The following LPL variants were observed in gnomAD, a reference collection of about 807,000 sequenced individuals.
The protein encoded by LPL is phospholipase A1.
In LPL, 43 loss-of-function variants were observed where a neutral mutation model predicts 52.2. That is an observed-to-expected ratio of 0.82 (90% CI 0.64 to 1.06). The LOEUF is 1.06. Among genes scored for constraint, LPL ranks in the 50% least tolerant of loss-of-function variants. LPL has a pLI of 0.00. For missense variants in LPL, 639 were observed against 585.3 expected, an observed-to-expected ratio of 1.09 and a Z score of -0.95; for synonymous variants, 244 against 215.6, an observed-to-expected ratio of 1.13 and a Z score of -1.15.
rs118204062 is a variant in LPL, at chr8:19,955,874, G to A, written c.809G>A (p.Arg270His). ...CAGCTAGTGAAGTGCTCCCACGAGCGCTCCATTCATCTCTTCATCGACTCT... is the reference window on the plus strand; with the variant it reads ...CAGCTAGTGAAGTGCTCCCACGAGCACTCCATTCATCTCTTCATCGACTCT... ...VDQLVKCSHE[R>H]SIHLFIDSLL... is the part of the protein sequence containing the mutation. Residue 270 changes from arginine (R) to histidine (H), a missense_variant, in exon 6 of 10, where the codon CGC becomes CAC. By Grantham distance (29) the Arg-to-His change is conservative. Coordinates refer to ENST00000650287, the MANE Select transcript of LPL (RefSeq NM_000237.3). 20 of 1,614,004 alleles carry A rather than the reference G, an allele frequency of 1.2e-5. No homozygotes were observed. The highest frequency in any genetic ancestry group is 2.2e-5 in the South Asian group (2 of 91,088).
chr8:19,945,170 C>T (rs1412543110), intron 1 of LPL, among the ~76,000 whole-genome samples: 1 of 152,144 alleles, frequency 6.6e-6, no homozygotes, highest in Non-Finnish European at 1.5e-5. Flanking sequence ...AATCAGTTCA[C>T]CTGCTGCCCA....
chr8:19,959,748 A>C (rs1355784730), intron 7 of LPL, among the ~76,000 whole-genome samples: 1 of 143,956 alleles, frequency 6.9e-6, no homozygotes, highest in East Asian at 2.3e-4. Context: ...AAATATAAGT[A>C]GTAAGAAGTC....
rs763635553 is a variant in LPL, at chr8:19,939,438, G to T, written c.-3G>T. The T allele has an allele frequency of 2.5e-6, 4 of 1,607,608 alleles. No homozygotes were observed. Among genetic ancestry groups the T allele is most frequent in the Non-Finnish European group, 3.4e-6 (4 of 1,177,596 alleles). On this transcript the variant is annotated 5_prime_UTR_variant, in exon 1 of 10. Transcript: ENST00000650287. This position sits in a 1 kb window ranked among gnomAD's most constrained non-coding sequence, Gnocchi z 4.0. ...CAGCTCCTCCAGAGGGACGCGCCCC[G>T]AGATGGAGAGCAAAGCCCTGCTCGT...
chr8:19,956,636 T>C (rs1325835246), intron 6 of LPL, among the ~76,000 whole-genome samples: 1 of 152,114 alleles, frequency 6.6e-6, no homozygotes, highest in African/African-American at 2.4e-5. Context: ...CCAGTGTCTG[T>C]TGTTCCCCTC....
intron 1 of LPL, among the ~76,000 whole-genome samples, chr8:19,946,996 T>C (rs1016527292): frequency 1.3e-5 from 2 of 152,222 alleles, no homozygotes; most frequent in African/African-American, 4.8e-5. Flanking sequence ...AGTTTTGCCT[T>C]TGTGTGGAAC....
rs977647173 is a variant in LPL, at chr8:19,950,878, G to A, written c.250-891G>A. 2.0e-5 allele frequency among the ~76,000 whole-genome samples: 3 copies of A among 149,850 alleles called. No homozygotes were observed. The highest frequency in any genetic ancestry group is 7.4e-5 in the African/African-American group (3 of 40,692). ...GGGAAGGAGGAAGGGAAGGAGGGAG[G>A]GAGGAAGGAAGGAAGGAATGAAGGA... On this transcript the variant is annotated intron_variant, in intron 2 of 9. Transcript: ENST00000650287. This position sits in a 1 kb window ranked among gnomAD's most constrained non-coding sequence, Gnocchi z 4.2.
At position 19,950,855 on chromosome 8, in the gene LPL, G is replaced by T. The variant is rs753665936; in HGVS notation, c.250-914G>T. 6.8e-6 allele frequency among the ~76,000 whole-genome samples: 1 copy of T among 146,038 alleles called. No individual in the cohort carries two copies. Among genetic ancestry groups the T allele is most frequent in the Non-Finnish European group, 1.5e-5 (1 of 66,824 alleles). ...AAGGAAGGAATGAAAGGAAGGAAGG[G>T]AAGGAGGAAGGGAAGGAGGGAGGGA... On this transcript the variant is annotated intron_variant, in intron 2 of 9. Coordinates refer to ENST00000650287, the MANE Select transcript of LPL (RefSeq NM_000237.3). This position sits in a 1 kb window ranked among gnomAD's most constrained non-coding sequence, Gnocchi z 4.2.
At chr8:19,953,617 C>A (rs928823428) in intron 4 of LPL, among the ~76,000 whole-genome samples, 196 bp downstream of exon 4, 1 of 152,128 alleles carries the variant, frequency 6.6e-6, no homozygotes, top group Non-Finnish European at 1.5e-5. Flanking sequence ...GGCTTACTAT[C>A]CACTGGCAAT....
chr8:19,951,629 C>G, intron 2 of LPL, 140 bp from the exon 3 acceptor site: 1 of 928,350 alleles, frequency 1.1e-6, no homozygotes, highest in Non-Finnish European at 1.8e-6. Context: ...GAACACTGTT[C>G]TGTTATTTGA....
At position 19,950,800 on chromosome 8, in the gene LPL, C is replaced by T. The variant is rs1183778834; in HGVS notation, c.250-969C>T. On this transcript the variant is annotated intron_variant, in intron 2 of 9. Coordinates refer to ENST00000650287, the MANE Select transcript of LPL (RefSeq NM_000237.3). This position sits in a 1 kb window ranked among gnomAD's most constrained non-coding sequence, Gnocchi z 4.2. ...GCCTGGGCGAGACAGTAAGACTCTG[C>T]CAAAAGAAAGGAAAGAAAGGAGGGA... Among the ~76,000 whole-genome samples the T allele has an allele frequency of 6.8e-6, 1 of 146,050 alleles. No individual in the cohort carries two copies. The highest frequency in any genetic ancestry group is 1.5e-5 in the Non-Finnish European group (1 of 66,952).
chr8:19,951,597 T>C, intron 2 of LPL, 172 bp from the exon 3 acceptor site: 1 of 778,546 alleles, frequency 1.3e-6, no homozygotes, highest in Non-Finnish European at 2.3e-6. Context: ...AGATCTGCCT[T>C]GGAAGGGACA....
At chr8:19,952,052 C>A (rs2128837746) in intron 3 of LPL, 104 bp downstream of exon 3, 2 of 1,296,482 alleles carry the variant, frequency 1.5e-6, no homozygotes, top group Non-Finnish European at 1.1e-6. Context: ...TAAATATTTT[C>A]TGGGGGCATT....
At position 19,948,570 on chromosome 8, in the gene LPL, T is replaced by C. The variant is rs2069903993; in HGVS notation, c.249+230T>C. On this transcript the variant is annotated intron_variant, in intron 2 of 9. Coordinates refer to ENST00000650287, the MANE Select transcript of LPL (RefSeq NM_000237.3). ...TTAACACTGTACCTGGTTGGTGCCC[T>C]TGAGCCAGAGCTTCCTGCGAGGTTG... 9.7e-6 allele frequency: 5 copies of C among 517,850 alleles called. No homozygotes were observed. The South Asian group carries it at 1.4e-4, about 15-fold the overall frequency. The allele number at this position is 517,850 out of a possible 1,614,324, so 32.1% of individuals were successfully genotyped here.
chr8:19,953,444 C>A, intron 4 of LPL, 23 bp downstream of exon 4: 1 of 1,556,728 alleles, frequency 6.4e-7, no homozygotes, highest in South Asian at 1.1e-5. Context: ...TTTCGTTGGT[C>A]TTATCATAAG....
In LPL at chr8:19,950,873, G is replaced by T. The variant is rs1307329674; in HGVS notation, c.250-896G>T. ...AGGAAGGGAAGGAGGAAGGGAAGGA[G>T]GGAGGGAGGAAGGAAGGAAGGAATG... On this transcript the variant is annotated intron_variant, in intron 2 of 9. Coordinates refer to ENST00000650287, the MANE Select transcript of LPL (RefSeq NM_000237.3). The surrounding 1 kb of genome is among the most constrained non-coding windows in gnomAD (Gnocchi z 4.2). Among the ~76,000 whole-genome samples, 1 of 148,860 alleles carries T rather than the reference G, an allele frequency of 6.7e-6. No homozygotes were observed.
chr8:19,942,849 G>A (rs1019704971), intron 1 of LPL, among the ~76,000 whole-genome samples: 7 of 152,184 alleles, frequency 4.6e-5, no homozygotes, highest in African/African-American at 1.4e-4. Flanking sequence ...AGGAAGGAAG[G>A]AATGGATTAT....
chr8:19,951,887 T>TG lies in LPL; in HGVS notation c.369dup (p.Ser124ValfsTer24). 1 of 1,614,142 alleles carries TG rather than the reference T, an allele frequency of 6.2e-7. No homozygotes were observed. Among genetic ancestry groups the TG allele is most frequent in the Non-Finnish European group, 8.5e-7 (1 of 1,180,032 alleles). On this transcript the variant is annotated frameshift_variant, in exon 3 of 10. Coordinates refer to ENST00000650287, the MANE Select transcript of LPL (RefSeq NM_000237.3). LOFTEE classifies it high-confidence loss of function. ...TCACGGGCTCAGGAGCATTACCCAGTGTCCGCGGGCTACACCAAACTGGTG... is the reference window on the plus strand; with the variant it reads ...TCACGGGCTCAGGAGCATTACCCAGTGGTCCGCGGGCTACACCAAACTGGTG...
At position 19,955,927 on chromosome 8, in the gene LPL, G is replaced by A. The variant is rs1800011; in HGVS notation, c.862G>A (p.Ala288Thr). 3.1e-5 allele frequency: 50 copies of A among 1,614,158 alleles called. No homozygotes were observed. In the East Asian group the frequency reaches 1.1e-3, roughly 35 times the overall value. ...SLLNEENPSKAYRCSSKEAFE... is the reference protein window; with the variant it reads ...SLLNEENPSKTYRCSSKEAFE... ...GTTGAATGAAGAAAATCCAAGTAAG[G>A]CCTACAGGTGCAGTTCCAAGGAAGC... The change falls in exon 6 of 10, where the codon GCC becomes ACC. Residue 288 changes from alanine (A) to threonine (T), a missense_variant. Transcript: ENST00000650287.
At chr8:19,961,818 G>A (rs1019781957) in intron 8 of LPL, among the ~76,000 whole-genome samples, 2 of 152,042 alleles carry the variant, frequency 1.3e-5, no homozygotes, top group African/African-American at 2.4e-5. Flanking sequence ...GCTAAGAGAT[G>A]GCAGAGTTGA....
Sources: allele counts gnomAD v4.1 joint callset (sites outside exome capture counted in the v4.1 genomes callset), GRCh38; gene constraint gnomAD v4.1.1; non-coding constraint Gnocchi (gnomAD v3.1); transcripts MANE v1.5; gene names NCBI Gene and HGNC (gene_info 2026-07-23, HGNC 2026-07-21).